Variants in RPS6KA2 observed in about 807,000 individuals in gnomAD.
RPS6KA2 encodes ribosomal protein S6 kinase A2, also known as ribosomal protein S6 kinase alpha-2.
RPS6KA2 carries 42 observed loss-of-function variants against 91.8 expected under a neutral mutation model. That is an observed-to-expected ratio of 0.46 (90% CI 0.36 to 0.59). The LOEUF is 0.59. Among genes scored for constraint, RPS6KA2 ranks in the 20% least tolerant of loss-of-function variants. The probability of loss-of-function intolerance (pLI) is 0.00; values close to 1 mark genes in which losing one functional copy is unlikely to be tolerated. For missense variants in RPS6KA2, 798 were observed against 978.5 expected (o/e 0.82, Z 2.46); for synonymous variants, 414 against 393.6 (o/e 1.05, Z -0.61).
chr6:166,479,407 T>C (rs1583187155), intron 10 of RPS6KA2, among the ~76,000 whole-genome samples: 1 of 152,106 alleles, frequency 6.6e-6, no homozygotes, highest in African/African-American at 2.4e-5. Context: ...GAGGTGGCAG[T>C]GTGGTCCTGC....
chr6:166,805,044 C>T (rs1295295840), intron 2 of RPS6KA2, among the ~76,000 whole-genome samples: 1 of 152,194 alleles, frequency 6.6e-6, no homozygotes, highest in African/African-American at 2.4e-5. Flanking sequence ...ATGAATCCAT[C>T]TCTACTTAGA....
At chr6:166,713,888 A>G (rs1789938809) in intron 2 of RPS6KA2, among the ~76,000 whole-genome samples, 1 of 152,132 alleles carries the variant, frequency 6.6e-6, no homozygotes, top group African/African-American at 2.4e-5. Context: ...TGCGCCCCTC[A>G]TAGTCAGCGG....
At chr6:166,667,919 T>G (rs66638346) in intron 2 of RPS6KA2, among the ~76,000 whole-genome samples, 20,682 of 152,000 alleles carry the variant, frequency 0.14, 1,810 homozygotes, top group African/African-American at 0.24. Context: ...AAAGAGGGAG[T>G]TCCTGCCTGC....
rs184548125 is a variant in RPS6KA2, at chr6:166,509,164, G to A, written c.380-882C>T. On this transcript the variant is annotated intron_variant, in intron 4 of 20. Coordinates refer to ENST00000265678, the MANE Select transcript of RPS6KA2 (RefSeq NM_021135.6). ...ATAGCCCCCAGCTAGAAAGCCCTCT[G>A]CCAGGACTGTGTAAACTGAGTGTGC... Among the ~76,000 whole-genome samples the A allele has an allele frequency of 2.0e-5, 3 of 152,368 alleles. No homozygotes were observed. In the East Asian group the frequency reaches 5.8e-4, roughly 29 times the overall value.
chr6:166,848,941 T>A (rs565066749), intron 2 of RPS6KA2, among the ~76,000 whole-genome samples: 5 of 152,030 alleles, frequency 3.3e-5, no homozygotes, highest in South Asian at 4.2e-4. Flanking sequence ...TTTAAAAATA[T>A]ATATATATAT....
chr6:166,674,033 A>G (rs2128562169), intron 2 of RPS6KA2, among the ~76,000 whole-genome samples: 1 of 152,366 alleles, frequency 6.6e-6, no homozygotes, highest in East Asian at 1.9e-4. Context: ...AGAGAGCTGC[A>G]TCGCTGGGGA....
At chr6:166,655,378 C>T (rs1430435970) in intron 2 of RPS6KA2, among the ~76,000 whole-genome samples, 1 of 152,226 alleles carries the variant, frequency 6.6e-6, no homozygotes, top group Non-Finnish European at 1.5e-5. Flanking sequence ...AATATTTGCA[C>T]CCGGAGTCAG....
chr6:166,776,551 A>G (rs1387720810), intron 2 of RPS6KA2, among the ~76,000 whole-genome samples: 3 of 152,138 alleles, frequency 2.0e-5, no homozygotes, highest in African/African-American at 7.2e-5. Context: ...TTCCACGCCC[A>G]TGAAGCAGTT....
chr6:166,857,862 C>T (rs1780947452), intron 2 of RPS6KA2, among the ~76,000 whole-genome samples: 1 of 152,176 alleles, frequency 6.6e-6, no homozygotes, highest in Non-Finnish European at 1.5e-5. Context: ...CACCAGGCTT[C>T]CATGCCAGCT....
At chr6:166,584,588 T>A (rs905987887) in intron 1 of RPS6KA2, among the ~76,000 whole-genome samples, 1 of 152,246 alleles carries the variant, frequency 6.6e-6, no homozygotes, top group Non-Finnish European at 1.5e-5. Context: ...TGCCTGGGCA[T>A]TCTGGGGATA....
In RPS6KA2 at chr6:166,461,072, C is replaced by T. The variant is rs145818911; in HGVS notation, c.973-1521G>A. Among the ~76,000 whole-genome samples the T allele has an allele frequency of 4.9e-3, 744 of 152,148 alleles. 5 individuals carry two copies. The highest frequency in any genetic ancestry group is 0.017 in the African/African-American group (702 of 41,514). ...TGCAGGAGGGCGAGGTGCCAACAGACGCCCCCGAGCTCCCCCGGGGGCTTA... is the reference window on the plus strand; with the variant it reads ...TGCAGGAGGGCGAGGTGCCAACAGATGCCCCCGAGCTCCCCCGGGGGCTTA... On this transcript the variant is annotated intron_variant, in intron 11 of 20. Coordinates refer to ENST00000265678, the MANE Select transcript of RPS6KA2 (RefSeq NM_021135.6).
chr6:166,497,323 T>C (rs1258189024), intron 8 of RPS6KA2, among the ~76,000 whole-genome samples: 1 of 152,220 alleles, frequency 6.6e-6, no homozygotes, highest in Non-Finnish European at 1.5e-5. Flanking sequence ...CGTGTTGAAC[T>C]GCACGACTGT....
At position 166,635,418 on chromosome 6, in the gene RPS6KA2, G is replaced by A. The variant is rs1208148768; in HGVS notation, c.124-96634C>T. Among the ~76,000 whole-genome samples, 1 of 152,246 alleles carries A rather than the reference G, an allele frequency of 6.6e-6. No individual in the cohort carries two copies. The highest frequency in any genetic ancestry group is 1.5e-5 in the Non-Finnish European group (1 of 68,032). On this transcript the variant is annotated intron_variant, in intron 2 of 21. Transcript: ENST00000503859. The surrounding 1 kb of genome is among the most constrained non-coding windows in gnomAD (Gnocchi z 4.8). ...TTAGAGGGGAGAGAAAGCCCTACGG[G>A]AGCCCCCAGAGGAGCCCTTAGTCTC...
At chr6:166,436,519 T>C (rs7773291) in intron 14 of RPS6KA2, among the ~76,000 whole-genome samples, 19,964 of 152,084 alleles carry the variant, frequency 0.13, 4,131 homozygotes, top group African/African-American at 0.44. Context: ...AGGGGCTGCA[T>C]GGGGTGGGGA....
Position 166,745,902 on chromosome 6 carries a change from A to C in RPS6KA2, c.123+112298T>G, listed in dbSNP as rs1480077065. Among the ~76,000 whole-genome samples, 3 of 152,216 alleles carry C rather than the reference A, an allele frequency of 2.0e-5. No homozygotes were observed. The East Asian group carries it at 5.8e-4, about 29-fold the overall frequency. Reference sequence around the variant, plus strand: ...TCAAAAAATAGAGACTAATTTGGAAAAGAGCTGTCAGGCCCAACAGAATAT... The same window carrying C: ...TCAAAAAATAGAGACTAATTTGGAACAGAGCTGTCAGGCCCAACAGAATAT... On this transcript the variant is annotated intron_variant, in intron 2 of 21. Coordinates refer to the RPS6KA2 transcript ENST00000503859.
intron 12 of RPS6KA2, among the ~76,000 whole-genome samples, chr6:166,454,453 G>T (rs558826635): frequency 6.6e-6 from 1 of 152,030 alleles, no homozygotes; most frequent in African/African-American, 2.4e-5. Flanking sequence ...AGCCAAGATC[G>T]CACCACTGCA....
chr6:166,498,759 G>A, intron 7 of RPS6KA2, 109 bp from the exon 8 acceptor site: 9 of 1,395,184 alleles, frequency 6.5e-6, no homozygotes, highest in Non-Finnish European at 6.9e-6. Flanking sequence ...CTCTCCAGGT[G>A]GGCGCAGCAG....
In RPS6KA2 at chr6:166,726,561, G is replaced by C. The variant is rs1790345693; in HGVS notation, c.123+131639C>G. ...GTCAGACACACGTCCCTTGCATGAA[G>C]AACTTAAGACGTTTCTGAAGTGACT... On this transcript the variant is annotated intron_variant, in intron 2 of 21. Transcript: ENST00000503859. The surrounding 1 kb of genome is among the most constrained non-coding windows in gnomAD (Gnocchi z 4.4). Among the ~76,000 whole-genome samples the C allele has an allele frequency of 6.6e-6, 1 of 152,236 alleles. No homozygotes were observed. Among genetic ancestry groups the C allele is most frequent in the Non-Finnish European group, 1.5e-5 (1 of 68,044 alleles).
Position 166,504,622 on chromosome 6 carries a change from AAAAAAC to A in RPS6KA2, c.460-16_460-11del, listed in dbSNP as rs760220715. 7.6e-6 allele frequency: 12 copies of A among 1,584,982 alleles called. No homozygotes were observed. In the East Asian group the frequency reaches 8.9e-5, roughly 12 times the overall value. ...CCTCCGTGAACATGACCTAGTAAGA[AAAAAAC>A]AAAAACAAAAACAAAAAACGTTTAA... On this transcript the variant is annotated splice_polypyrimidine_tract_variant and intron_variant, in intron 5 of 20. Coordinates refer to ENST00000265678, the MANE Select transcript of RPS6KA2 (RefSeq NM_021135.6).
Sources: gnomAD v4.1 joint callset for allele counts (sites outside exome capture counted in the v4.1 genomes callset) on GRCh38, gnomAD v4.1.1 for gene constraint, Gnocchi (gnomAD v3.1) non-coding constraint, MANE v1.5 for transcripts, NCBI Gene and HGNC (gene_info 2026-07-23, HGNC 2026-07-21) for gene names.